Variants in SCARA5 observed in about 807,000 individuals in gnomAD.
SCARA5 encodes the protein scavenger receptor class A, member 5 (putative).
A neutral mutation model predicts 46.3 loss-of-function variants in SCARA5; 45 were observed. The ratio of observed to expected loss-of-function variants is 0.97; its 90% confidence interval spans 0.76 to 1.24. The LOEUF (loss-of-function observed/expected upper bound fraction) is 1.24. SCARA5 is among the 50% of genes most tolerant of loss of function. The probability of loss-of-function intolerance (pLI) is 0.00; values close to 1 mark genes in which losing one functional copy is unlikely to be tolerated. For missense variants in SCARA5, 680 were observed against 689.0 expected (o/e 0.99, Z 0.15); for synonymous variants, 333 against 306.5 (o/e 1.09, Z -0.90).
rs1348375616 is a variant in SCARA5, at chr8:27,921,943, G to A, written c.544C>T (p.Gln182Ter). 3.9e-6 allele frequency: 6 copies of A among 1,541,804 alleles called. No individual in the cohort carries two copies. The highest frequency in any genetic ancestry group is 5.2e-6 in the Non-Finnish European group (6 of 1,152,938). Residue 182 changes from glutamine to a stop codon, truncating the protein, a stop_gained, in exon 4 of 9, where the codon CAG becomes TAG. Transcript: ENST00000354914. LOFTEE classifies it high-confidence loss of function. ...DRTGQQSDTA[Q>*]LELYQLQVES... ...ACCTGCAGCTGGTAGAGCTCCAGCT[G>A]CGCCGTGTCGCTCTGCTGGCCCGTG...
At chr8:27,899,050 C>T (rs1302279433) in intron 7 of SCARA5, among the ~76,000 whole-genome samples, 3 of 152,178 alleles carry the variant, frequency 2.0e-5, no homozygotes, top group African/African-American at 7.2e-5. Context: ...CTAACTTTTC[C>T]TGAGTTCTGT....
chr8:27,882,749 G>A lies in SCARA5; in HGVS notation c.1154-2983C>T, dbSNP rs570649093. Among the ~76,000 whole-genome samples, 6 of 152,282 alleles carry A rather than the reference G, an allele frequency of 3.9e-5. No homozygotes were observed. In the East Asian group the frequency reaches 1.2e-3, roughly 29 times the overall value. ...CGCCTGTTTTATATGCCACTAAGAAGGAAAAATCTCTGCTGGGTAGGTGGC... is the reference window on the plus strand; with the variant it reads ...CGCCTGTTTTATATGCCACTAAGAAAGAAAAATCTCTGCTGGGTAGGTGGC... On this transcript the variant is annotated intron_variant, in intron 7 of 8. Transcript: ENST00000354914.
At chr8:27,932,874 G>A (rs1303169200) in intron 3 of SCARA5, among the ~76,000 whole-genome samples, 1 of 152,156 alleles carries the variant, frequency 6.6e-6, no homozygotes, top group Non-Finnish European at 1.5e-5. Context: ...CAGATGATCC[G>A]CCCATCTCGG....
intron 3 of SCARA5, among the ~76,000 whole-genome samples, chr8:27,946,270 C>T (rs1013816680): frequency 2.0e-5 from 3 of 152,218 alleles, no homozygotes; most frequent in Admixed American, 1.3e-4. Flanking sequence ...TCACAGGAAG[C>T]AAGCACATAC....
intron 4 of SCARA5, among the ~76,000 whole-genome samples, chr8:27,919,891 T>C (rs535374647): frequency 6.7e-6 from 1 of 148,874 alleles, no homozygotes; most frequent in South Asian, 2.2e-4. Flanking sequence ...AGGTAACACA[T>C]ACTAGATGCT....
chr8:27,931,985 T>G (rs1235410001), intron 3 of SCARA5, among the ~76,000 whole-genome samples: 1 of 151,704 alleles, frequency 6.6e-6, no homozygotes. Context: ...TCTTTTATTT[T>G]TATTTTATTT....
rs541153915 is a variant in SCARA5, at chr8:27,950,319, C to T, written c.241+16095G>A. Among the ~76,000 whole-genome samples the T allele has an allele frequency of 1.6e-4, 25 of 152,308 alleles. 2 individuals carry two copies. Among genetic ancestry groups the T allele is most frequent in the South Asian group, 1.0e-3 (5 of 4,820 alleles). On this transcript the variant is annotated intron_variant, in intron 3 of 8. Coordinates refer to ENST00000354914, the MANE Select transcript of SCARA5 (RefSeq NM_173833.6). ...ATGCACGACTACCTGGAACCTGGTCCAGATCCCTGCCTTGTAAGGAGACCC... is the reference window on the plus strand; with the variant it reads ...ATGCACGACTACCTGGAACCTGGTCTAGATCCCTGCCTTGTAAGGAGACCC...
intron 7 of SCARA5, among the ~76,000 whole-genome samples, chr8:27,895,888 C>G (rs1206643102): frequency 6.6e-6 from 1 of 152,182 alleles, no homozygotes; most frequent in African/African-American, 2.4e-5. Flanking sequence ...TCTTGCTATT[C>G]CTGGCTACCC....
In SCARA5 at chr8:27,879,755, C is replaced by T. The variant is rs889827172; in HGVS notation, c.1165G>A (p.Ala389Thr). The T allele has an allele frequency of 6.2e-7, 1 of 1,612,790 alleles. No homozygotes were observed. The highest frequency in any genetic ancestry group is 1.7e-5 in the Admixed American group (1 of 60,000). The change falls in exon 8 of 9, where the codon GCC becomes ACC. Residue 389 changes from alanine to threonine, a missense_variant. Coordinates refer to ENST00000354914, the MANE Select transcript of SCARA5 (RefSeq NM_173833.6). ...DRAGDASGVEAPMMIRLVNGS... is the reference protein window; with the variant it reads ...DRAGDASGVETPMMIRLVNGS... ...TTCACCAGGCGGATCATCATCGGGG[C>T]CTCCACGCCACCTGCCGGAGCAGCC...
chr8:27,947,708 T>TAAAAA (rs34760183), intron 3 of SCARA5, among the ~76,000 whole-genome samples: 2 of 112,906 alleles, frequency 1.8e-5, no homozygotes, highest in Non-Finnish European at 1.8e-5. Context: ...GTGTCTCTAC[T>TAAAAA]AAAAAAAAAA....
intron 3 of SCARA5, among the ~76,000 whole-genome samples, chr8:27,944,658 T>C (rs1045256722): frequency 1.1e-4 from 16 of 151,248 alleles, no homozygotes; most frequent in African/African-American, 3.9e-4. Flanking sequence ...GGTCAGGAGT[T>C]TGAGACCAGC....
chr8:27,874,730 C>T (rs559011314), intron 8 of SCARA5, among the ~76,000 whole-genome samples: 5 of 152,262 alleles, frequency 3.3e-5, no homozygotes, highest in Admixed American at 1.3e-4. Flanking sequence ...TAGACGTGAA[C>T]GCTCCTAATT....
At chr8:27,885,884 T>G (rs2726928) in intron 7 of SCARA5, among the ~76,000 whole-genome samples, 70,421 of 152,078 alleles carry the variant, frequency 0.46, 16,635 homozygotes, top group Middle Eastern at 0.57. Flanking sequence ...TTTCAATGTA[T>G]ATAGAAGTGA....
At chr8:27,929,187 G>A (rs1052981416) in intron 3 of SCARA5, among the ~76,000 whole-genome samples, 6 of 152,176 alleles carry the variant, frequency 3.9e-5, no homozygotes, top group Non-Finnish European at 8.8e-5. Context: ...GCCTGAGCTA[G>A]GTGGCTTGCC....
At chr8:27,963,964 G>A (rs180769207) in intron 3 of SCARA5, among the ~76,000 whole-genome samples, 35 of 152,332 alleles carry the variant, frequency 2.3e-4, no homozygotes, top group Admixed American at 7.2e-4. Flanking sequence ...TCTGGGCACA[G>A]GCAGTGAGTT....
chr8:27,877,334 G>C (rs1176992617), intron 8 of SCARA5, among the ~76,000 whole-genome samples: 1 of 152,174 alleles, frequency 6.6e-6, no homozygotes, highest in Non-Finnish European at 1.5e-5. Flanking sequence ...ATTCGTGAAA[G>C]CAAGTCCAGC....
At chr8:27,986,093 G>A (rs1808701281) in intron 2 of SCARA5, among the ~76,000 whole-genome samples, 1 of 152,092 alleles carries the variant, frequency 6.6e-6, no homozygotes, top group South Asian at 2.1e-4. Context: ...GCCAAACCAA[G>A]CCCCTTTGCT....
At chr8:27,916,922 G>A (rs1248138193) in intron 4 of SCARA5, among the ~76,000 whole-genome samples, 1 of 152,128 alleles carries the variant, frequency 6.6e-6, no homozygotes, top group Non-Finnish European at 1.5e-5. Context: ...GAAGTGATGA[G>A]TCAGGAGGGT....
At chr8:27,939,000 C>T (rs536385715) in intron 3 of SCARA5, among the ~76,000 whole-genome samples, 2 of 152,248 alleles carry the variant, frequency 1.3e-5, no homozygotes, top group East Asian at 1.9e-4. Context: ...GCCTGATTAA[C>T]GGTGGAGGGG....
Sources: gnomAD v4.1 joint callset for allele counts (sites outside exome capture counted in the v4.1 genomes callset) on GRCh38, gnomAD v4.1.1 for gene constraint, MANE v1.5 for transcripts, NCBI Gene and HGNC (gene_info 2026-07-23, HGNC 2026-07-21) for gene names.